GALNT2: variants seen among roughly 807,000 people sequenced by gnomAD.
The protein encoded by GALNT2 is polypeptide N-acetylgalactosaminyltransferase 2.
A neutral mutation model predicts 81.4 loss-of-function variants in GALNT2; 31 were observed. The ratio of observed to expected loss-of-function variants is 0.38; its 90% confidence interval spans 0.29 to 0.51. The LOEUF (loss-of-function observed/expected upper bound fraction) is 0.51. GALNT2 is among the 20% of genes least tolerant of loss of function. The pLI is 0.87. For synonymous variants in GALNT2, 303 were observed against 287.4 expected, an observed-to-expected ratio of 1.05 and a Z score of -0.55; for missense variants, 629 against 765.7, an observed-to-expected ratio of 0.82 and a Z score of 2.11.
chr1:230,127,669 G>A (rs968737228), intron 1 of GALNT2, among the ~76,000 whole-genome samples: 104 of 144,386 alleles, frequency 7.2e-4, no homozygotes, highest in African/African-American at 2.5e-3. Context: ...CCACTGTGCC[G>A]GCCGAGGGTT....
intron 11 of GALNT2, among the ~76,000 whole-genome samples, chr1:230,260,459 T>G (rs558854386): frequency 2.6e-5 from 4 of 152,330 alleles, no homozygotes; most frequent in Non-Finnish European, 5.9e-5. Flanking sequence ...TTTAGGAATT[T>G]TTAAGTGATT....
chr1:230,228,546 G>A (rs11122472), intron 3 of GALNT2, among the ~76,000 whole-genome samples: 10,998 of 151,714 alleles, frequency 0.072, 820 homozygotes, highest in African/African-American at 0.17. Context: ...TGGGGACAAT[G>A]GATTATCTAC....
rs1460930204 is a variant in GALNT2 at position 230,275,801 on chromosome 1, CATAT to C, written c.1560+1243_1560+1246del. On this transcript the variant is annotated intron_variant, in intron 15 of 15. Coordinates refer to ENST00000366672, the MANE Select transcript of GALNT2 (RefSeq NM_004481.5). This position sits in a 1 kb window ranked among gnomAD's most constrained non-coding sequence, Gnocchi z 5.5. ...GATATATACATATATATACATGCCA[CATAT>C]ATATACAAATATACATGCCACATAT... 2.0e-5 allele frequency among the ~76,000 whole-genome samples: 3 copies of C among 150,758 alleles called. No individual in the cohort carries two copies. Among genetic ancestry groups the C allele is most frequent in the African/African-American group, 4.9e-5 (2 of 40,932 alleles).
In GALNT2 at chr1:230,281,873, G is replaced by A. The variant is rs770062820; in HGVS notation, c.*2415G>A. On this transcript the variant is annotated 3_prime_UTR_variant, in exon 16 of 16. Transcript: ENST00000366672. ...TTTAAAACTCAGAATTCTTTCCTAA[G>A]AGCCCTTCGAGCAAAGCGTGCCGAA... The A allele has an allele frequency of 2.6e-5, 4 of 152,562 alleles. No homozygotes were observed. The highest frequency in any genetic ancestry group is 9.7e-5 in the African/African-American group (4 of 41,440). 9.5% of individuals were successfully genotyped at this position (152,562 alleles called of 1,614,324 possible).
Position 230,083,799 on chromosome 1 carries a change from T to C in GALNT2, c.126+16393T>C, listed in dbSNP as rs768290993. On this transcript the variant is annotated intron_variant, in intron 1 of 15. Transcript: ENST00000366672. ...AGTATCTGGATTGTTCAGGACCAAG[T>C]AAAACTCTGTAAGAAAGGGTTGGAA... is the stretch of plus-strand genomic sequence containing the variant. 5.9e-5 allele frequency among the ~76,000 whole-genome samples: 9 copies of C among 152,186 alleles called. No homozygotes were observed. The South Asian group carries it at 8.3e-4, about 14-fold the overall frequency.
chr1:230,226,497 G>C (rs986814951), intron 3 of GALNT2, among the ~76,000 whole-genome samples: 1 of 152,214 alleles, frequency 6.6e-6, no homozygotes, highest in African/African-American at 2.4e-5. Flanking sequence ...GCCCCCACAG[G>C]CTCTCTCGGC....
intron 1 of GALNT2, among the ~76,000 whole-genome samples, chr1:230,144,943 C>T (rs980841258): frequency 7.2e-5 from 11 of 152,194 alleles, no homozygotes; most frequent in African/African-American, 2.4e-4. Context: ...GTGATCTCCC[C>T]GCAGGCCTTG....
In GALNT2 at chr1:230,271,241, G is replaced by A. The variant is rs967538053; in HGVS notation, c.1441-3204G>A. Among the ~76,000 whole-genome samples, 1 of 152,154 alleles carries A rather than the reference G, an allele frequency of 6.6e-6. No homozygotes were observed. Among genetic ancestry groups the A allele is most frequent in the Non-Finnish European group, 1.5e-5 (1 of 68,026 alleles). On this transcript the variant is annotated intron_variant, in intron 14 of 15. Coordinates refer to ENST00000366672, the MANE Select transcript of GALNT2 (RefSeq NM_004481.5). This position sits in a 1 kb window ranked among gnomAD's most constrained non-coding sequence, Gnocchi z 4.2. ...CTTCCTGGCCCTCTCCATCCTGAAC[G>A]CCATCTGCCTATGGGAAACACACAC...
rs1666233827 is a variant in GALNT2 at position 230,274,527 on chromosome 1, T to C, written c.1523T>C (p.Ile508Thr). The C allele has an allele frequency of 2.5e-6, 4 of 1,613,926 alleles. No homozygotes were observed. Among genetic ancestry groups the C allele is most frequent in the South Asian group, 1.1e-5 (1 of 91,062 alleles). ...TVVDRAPGSLIKLQGCRENDS... is the reference protein window; with the variant it reads ...TVVDRAPGSLTKLQGCRENDS... Reference sequence around the variant, plus strand: ...GTGGACCGGGCACCGGGCTCTCTTATAAAGCTGCAGGGCTGCCGAGAAAAT... The same window carrying C: ...GTGGACCGGGCACCGGGCTCTCTTACAAAGCTGCAGGGCTGCCGAGAAAAT... The change falls in exon 15 of 16, where the codon ATA (isoleucine) becomes ACA (threonine). Residue 508 changes from isoleucine to threonine, a missense_variant. Transcript: ENST00000366672.
upstream of GALNT2, among the ~76,000 whole-genome samples, chr1:230,064,971 G>C (rs921102717): frequency 1.3e-5 from 2 of 152,228 alleles, no homozygotes; most frequent in African/African-American, 4.8e-5. Flanking sequence ...ATATTTAGGA[G>C]TTGATAATTC....
chr1:230,226,592 C>T (rs1380168535), intron 3 of GALNT2, among the ~76,000 whole-genome samples: 1 of 152,230 alleles, frequency 6.6e-6, no homozygotes, highest in East Asian at 1.9e-4. Flanking sequence ...GTCCACGTGG[C>T]TGCAGGGCTC....
At position 230,203,385 on chromosome 1, in the gene GALNT2, T is replaced by C. The variant is rs958887010; in HGVS notation, c.374+95T>C. 8 of 1,384,704 alleles carry C rather than the reference T, an allele frequency of 5.8e-6. No homozygotes were observed. In the African/African-American group the frequency reaches 1.0e-4, roughly 17 times the overall value. The allele number at this position is 1,384,704 out of a possible 1,614,324, so 85.8% of individuals were successfully genotyped here. ...TGTGACACTAGAACTTCTCCATTAC[T>C]CTGGGAAATTGAATGTGTGTTGTAA... On this transcript the variant is annotated intron_variant, in intron 3 of 15. Transcript: ENST00000366672.
At chr1:230,277,216 G>A (rs1312002177) in intron 15 of GALNT2, among the ~76,000 whole-genome samples, 1 of 152,136 alleles carries the variant, frequency 6.6e-6, no homozygotes, top group East Asian at 1.9e-4. Context: ...AGGATGTGGG[G>A]GCTGTTTCAG....
intron 3 of GALNT2, among the ~76,000 whole-genome samples, chr1:230,224,739 G>GT (rs1267399657): frequency 1.3e-5 from 2 of 152,192 alleles, no homozygotes; most frequent in Non-Finnish European, 2.9e-5. Context: ...TGGCCTGAGT[G>GT]TGTGTGCATG....
At chr1:230,152,183 A>G (rs2102836577) in intron 1 of GALNT2, among the ~76,000 whole-genome samples, 1 of 152,266 alleles carries the variant, frequency 6.6e-6, no homozygotes, top group African/African-American at 2.4e-5. Flanking sequence ...GCCTCATTTT[A>G]CCCAACTCCT....
chr1:230,188,346 G>C (rs1432077579), intron 2 of GALNT2, among the ~76,000 whole-genome samples: 1 of 152,166 alleles, frequency 6.6e-6, no homozygotes, highest in Admixed American at 6.5e-5. Context: ...CCAAGTGGCA[G>C]TCCCAGCTGG....
At chr1:230,169,140 AGTTGTTGAATGAGTTAAT>A (rs1662708528) in intron 1 of GALNT2, among the ~76,000 whole-genome samples, 1 of 152,220 alleles carries the variant, frequency 6.6e-6, no homozygotes, top group Admixed American at 6.5e-5. Context: ...TTTGTAAACA[AGTTGTTGAATGAGTTAAT>A]TATGGAGAGA....
chr1:230,274,377 C>T (rs765422277), intron 14 of GALNT2, 68 bp from the exon 15 acceptor site: 132 of 1,571,590 alleles, frequency 8.4e-5, no homozygotes, highest in Middle Eastern at 1.7e-4. Context: ...GAGCCCTCAT[C>T]GATGCCCCTT....
intron 10 of GALNT2, among the ~76,000 whole-genome samples, chr1:230,253,100 G>A (rs577741597): frequency 6.6e-5 from 10 of 152,052 alleles, no homozygotes; most frequent in East Asian, 1.9e-4. Flanking sequence ...CGCCTGCCTC[G>A]GCCTCCCAAA....
Sources: gnomAD v4.1 joint callset for allele counts (sites outside exome capture counted in the v4.1 genomes callset) on GRCh38, gnomAD v4.1.1 for gene constraint, Gnocchi (gnomAD v3.1) non-coding constraint, MANE v1.5 for transcripts, NCBI Gene and HGNC (gene_info 2026-07-23, HGNC 2026-07-21) for gene names.